The following EXOC5 variants were observed in gnomAD, a reference collection of about 807,000 sequenced individuals.
The protein encoded by EXOC5 is exocyst complex component 5, also known as SEC10-like 1.
EXOC5 carries 17 observed loss-of-function variants against 90.8 expected under a neutral mutation model. The ratio of observed to expected loss-of-function variants is 0.19; its 90% CI spans 0.13 to 0.28. The LOEUF (loss-of-function observed/expected upper bound fraction) is 0.28. EXOC5 is among the 10% of genes least tolerant of loss of function. EXOC5 has a pLI of 1.00. For missense variants in EXOC5, 569 were observed against 830.6 expected, an observed-to-expected ratio of 0.69 and a Z score of 3.87; for synonymous variants, 260 against 270.0, an observed-to-expected ratio of 0.96 and a Z score of 0.36.
chr14:57,217,165 T>C (rs1882999626), intron 15 of EXOC5, among the ~76,000 whole-genome samples: 1 of 152,164 alleles, frequency 6.6e-6, no homozygotes, highest in African/African-American at 2.4e-5. Flanking sequence ...GATGGGGATG[T>C]AAATTGGTAC....
chr14:57,223,213 AAACT>A lies in EXOC5; in HGVS notation c.1297-801_1297-798del, dbSNP rs552941830. 1.5e-4 allele frequency among the ~76,000 whole-genome samples: 23 copies of A among 152,238 alleles called. No individual in the cohort carries two copies. The East Asian group carries it at 4.4e-3, about 29-fold the overall frequency. On this transcript the variant is annotated intron_variant, in intron 12 of 17. Transcript: ENST00000621441. ...TCATTTTGGCGCTGCTGTTGCTGTT[AAACT>A]AGCTATTTAGTAAAATTATTAGTTA...
rs890810777 is a variant in EXOC5, at chr14:57,204,698, G to C, written c.*3911C>G. 2 of 152,340 alleles carry C rather than the reference G, an allele frequency of 1.3e-5. No homozygotes were observed. Among genetic ancestry groups the C allele is most frequent in the Non-Finnish European group, 2.9e-5 (2 of 67,882 alleles). The allele number at this position is 152,340 out of a possible 1,614,324, so 9.4% of individuals were successfully genotyped here. A position where few individuals can be genotyped will look rare whatever the true frequency, so the allele number is the denominator to read the frequency against. On this transcript the variant is annotated 3_prime_UTR_variant, in exon 18 of 18. Transcript: ENST00000621441. ...TATAAAATAATACCAATAAAGATTT[G>C]TGATAGACATATTTCTATTAGGTAC...
intron 4 of EXOC5, among the ~76,000 whole-genome samples, chr14:57,240,979 A>C (rs1310225440): frequency 1.3e-5 from 2 of 152,118 alleles, no homozygotes; most frequent in South Asian, 2.1e-4. Context: ...CAGCCTCCCA[A>C]GTAGCTGGGA....
chr14:57,241,024 G>C (rs1009916921), intron 4 of EXOC5, among the ~76,000 whole-genome samples: 2 of 151,738 alleles, frequency 1.3e-5, no homozygotes, highest in Non-Finnish European at 2.9e-5. Context: ...GCTAATTTTG[G>C]TATTTTTTTA....
intron 1 of EXOC5, among the ~76,000 whole-genome samples, chr14:57,251,235 TG>T (rs1487957109): frequency 6.6e-6 from 1 of 152,180 alleles, no homozygotes; most frequent in Non-Finnish European, 1.5e-5. Context: ...CAAAAATTCC[TG>T]GAACAACCTG....
intron 1 of EXOC5, among the ~76,000 whole-genome samples, chr14:57,257,888 T>G (rs1884397862): frequency 1.3e-5 from 2 of 152,114 alleles, no homozygotes; most frequent in Admixed American, 1.3e-4. Flanking sequence ...GTAAAAAAAT[T>G]TTTAAATCCT....
chr14:57,209,438 TA>T, intron 17 of EXOC5, 128 bp downstream of exon 17: 1 of 482,404 alleles, frequency 2.1e-6, no homozygotes, highest in African/African-American at 2.0e-5. Flanking sequence ...TAGAATGTGA[TA>T]ATCTATCTCA....
At chr14:57,254,205 C>T (rs1057025838) in intron 1 of EXOC5, among the ~76,000 whole-genome samples, 2 of 152,062 alleles carry the variant, frequency 1.3e-5, no homozygotes, top group Non-Finnish European at 2.9e-5. Flanking sequence ...GAGGCAGAGG[C>T]AGGCAGATCT....
rs527944161 is a variant in EXOC5 at position 57,201,121 on chromosome 14, T to G, written c.*7488A>C. 3 of 152,238 alleles carry G rather than the reference T, an allele frequency of 2.0e-5. No homozygotes were observed. The highest frequency in any genetic ancestry group is 1.3e-4 in the Admixed American group (2 of 15,282). 9.4% of individuals were successfully genotyped at this position (152,238 alleles called of 1,614,324 possible). ...GTAGGGTGAGACATCTCAATAATAATAAGCACATCTCATGCACAAATCTTG... is the reference window on the plus strand; with the variant it reads ...GTAGGGTGAGACATCTCAATAATAAGAAGCACATCTCATGCACAAATCTTG... On this transcript the variant is annotated 3_prime_UTR_variant, in exon 18 of 18. Coordinates refer to ENST00000621441, the MANE Select transcript of EXOC5 (RefSeq NM_006544.4).
At chr14:57,239,504 A>T in intron 5 of EXOC5, 91 bp downstream of exon 5, 1 of 771,010 alleles carries the variant, frequency 1.3e-6, no homozygotes, top group Non-Finnish European at 2.1e-6. Context: ...CCGTTTAATT[A>T]ATGGGCAAAG....
At chr14:57,265,980 T>G (rs549984395) in intron 1 of EXOC5, among the ~76,000 whole-genome samples, 1 of 152,336 alleles carries the variant, frequency 6.6e-6, no homozygotes, top group East Asian at 1.9e-4. Context: ...TGAGGAAATA[T>G]ATTACAGTTT....
At chr14:57,238,498 T>A (rs1202986977) in intron 5 of EXOC5, among the ~76,000 whole-genome samples, 20 of 151,208 alleles carry the variant, frequency 1.3e-4, no homozygotes, top group Non-Finnish European at 1.5e-5. Context: ...ATGCAGTCAA[T>A]AATTATTATG....
chr14:57,248,456 G>C (rs1401654643), intron 1 of EXOC5, among the ~76,000 whole-genome samples: 1 of 151,556 alleles, frequency 6.6e-6, no homozygotes, highest in Non-Finnish European at 1.5e-5. Flanking sequence ...GTTTAGAAAT[G>C]AGAAAAAAGT....
intron 7 of EXOC5, 59 bp from the exon 8 acceptor site, chr14:57,234,091 A>T (rs1375486824): frequency 1.5e-6 from 2 of 1,298,252 alleles, no homozygotes; most frequent in Middle Eastern, 4.3e-4. Context: ...TATTATTTCA[A>T]AAAAAGAAGT....
rs1234823684 is a variant in EXOC5 at position 57,201,571 on chromosome 14, T to TAC, written c.*7037_*7038insGT. On this transcript the variant is annotated 3_prime_UTR_variant, in exon 18 of 18. Transcript: ENST00000621441. The stretch of plus-strand genomic sequence containing the variant: ...TATATTTTTATATATATTAATATTA[T>TAC]ATATATATATATATATATATATATA... 1 of 99,816 alleles carries TAC rather than the reference T, an allele frequency of 1.0e-5. No homozygotes were observed. The highest frequency in any genetic ancestry group is 2.4e-5 in the Non-Finnish European group (1 of 41,476). The allele number at this position is 99,816 out of a possible 1,614,324, so 6.2% of individuals were successfully genotyped here.
In EXOC5 at chr14:57,219,296, A is replaced by G. The variant is rs1484851842; in HGVS notation, c.1526+26T>C. On this transcript the variant is annotated intron_variant, in intron 14 of 17. Transcript: ENST00000621441. ...ATGCTATAATAGTCACTGAAATATC[A>G]ATGAAAATCAGATAATTTGACTAAC... 2.9e-6 allele frequency: 4 copies of G among 1,379,590 alleles called. No individual in the cohort carries two copies. In the African/African-American group the frequency reaches 4.5e-5, roughly 15 times the overall value. The allele number at this position is 1,379,590 out of a possible 1,614,324, so 85.5% of individuals were successfully genotyped here. A position where few individuals can be genotyped will look rare whatever the true frequency, so the allele number is the denominator to read the frequency against.
intron 1 of EXOC5, among the ~76,000 whole-genome samples, chr14:57,252,854 T>G (rs1409560977): frequency 6.6e-6 from 1 of 152,186 alleles, no homozygotes; most frequent in Non-Finnish European, 1.5e-5. Flanking sequence ...TGCAGCATTA[T>G]TCACAAAAGC....
At chr14:57,235,869 TTA>T (rs1384145539) in intron 6 of EXOC5, 49 bp from the exon 7 acceptor site, 1 of 863,130 alleles carries the variant, frequency 1.2e-6, no homozygotes, top group Non-Finnish European at 1.9e-6. Context: ...GGCATCCACG[TTA>T]TTTAAGAGTA....
intron 1 of EXOC5, among the ~76,000 whole-genome samples, chr14:57,262,723 G>GTGTA (rs1555330406): frequency 1.4e-5 from 2 of 141,148 alleles, no homozygotes; most frequent in East Asian, 2.0e-4. Flanking sequence ...ATATGTGTGT[G>GTGTA]TATATATACG....
Sources: gnomAD v4.1 joint callset for allele counts (sites outside exome capture counted in the v4.1 genomes callset) on GRCh38, gnomAD v4.1.1 for gene constraint, MANE v1.5 for transcripts, NCBI Gene and HGNC (gene_info 2026-07-23, HGNC 2026-07-21) for gene names.